Variants in KCTD8 observed in about 807,000 individuals in gnomAD.
KCTD8 encodes BTB/POZ domain-containing protein KCTD8.
Under a neutral mutation model 31.5 loss-of-function variants are expected in KCTD8, and 27 were observed. The observed-to-expected ratio is 0.86, with a 90% CI of 0.63 to 1.18. The LOEUF (loss-of-function observed/expected upper bound fraction) is 1.18, where lower values mean the gene tolerates loss of function less well. Among genes scored for constraint, KCTD8 ranks in the 50% most tolerant of loss-of-function variants. The probability of loss-of-function intolerance (pLI) is 0.00; values close to 1 mark genes in which losing one functional copy is unlikely to be tolerated. For synonymous variants in KCTD8, 290 were observed against 280.0 expected, an observed-to-expected ratio of 1.04 and a Z score of -0.36; for missense variants, 658 against 647.7, an observed-to-expected ratio of 1.02 and a Z score of -0.17.
At chr4:44,181,499 CG>C (rs1435323469) in intron 1 of KCTD8, among the ~76,000 whole-genome samples, 47 of 152,170 alleles carry the variant, frequency 3.1e-4, no homozygotes, top group Admixed American at 2.8e-3. Flanking sequence ...CTGCCAGCCT[CG>C]GCCCCCCGAG....
At chr4:44,270,112 T>A (rs1398356702) in intron 1 of KCTD8, among the ~76,000 whole-genome samples, 1 of 151,934 alleles carries the variant, frequency 6.6e-6, no homozygotes, top group Non-Finnish European at 1.5e-5. Context: ...TGTGGCACTA[T>A]TCACAATAGC....
At chr4:44,323,165 GA>G (rs1206110589) in intron 1 of KCTD8, among the ~76,000 whole-genome samples, 1 of 151,948 alleles carries the variant, frequency 6.6e-6, no homozygotes, top group African/African-American at 2.4e-5. Flanking sequence ...TGAATGTGAA[GA>G]TCACTTTGGG....
intron 1 of KCTD8, among the ~76,000 whole-genome samples, chr4:44,438,982 G>T (rs1205950816): frequency 6.6e-6 from 1 of 152,138 alleles, no homozygotes; most frequent in Non-Finnish European, 1.5e-5. Flanking sequence ...ATTTTCCCAA[G>T]ATCTTAAAGC....
At chr4:44,320,269 C>T (rs556115174) in intron 1 of KCTD8, among the ~76,000 whole-genome samples, 1 of 151,442 alleles carries the variant, frequency 6.6e-6, no homozygotes, top group East Asian at 2.0e-4. Context: ...ACTCCCATCC[C>T]TTCCTACACT....
At position 44,174,721 on chromosome 4, in the gene KCTD8, C is replaced by A; in HGVS notation, c.*69G>T. 2 of 1,146,568 alleles carry A rather than the reference C, an allele frequency of 1.7e-6. No individual in the cohort carries two copies. Among genetic ancestry groups the A allele is most frequent in the South Asian group, 2.9e-5 (2 of 68,052 alleles). 71.0% of individuals were successfully genotyped at this position (1,146,568 alleles called of 1,614,324 possible). ...AGAATCACACTGACCATTGTTAGGA[C>A]ATCAGTCAGGTGGTGACACTGTAGT... On this transcript the variant is annotated 3_prime_UTR_variant, in exon 2 of 2. Transcript: ENST00000360029.
intron 1 of KCTD8, among the ~76,000 whole-genome samples, chr4:44,384,608 G>A (rs190177136): frequency 2.6e-5 from 4 of 151,830 alleles, no homozygotes; most frequent in East Asian, 1.9e-4. Flanking sequence ...GTTGAATAGC[G>A]GTTCCTAGAA....
intron 1 of KCTD8, among the ~76,000 whole-genome samples, chr4:44,407,574 C>T (rs1405559896): frequency 2.0e-5 from 3 of 151,796 alleles, no homozygotes; most frequent in Admixed American, 6.6e-5. Context: ...TTAGTAGAGA[C>T]GAGGTTTCTC....
At chr4:44,345,022 G>A (rs1314796195) in intron 1 of KCTD8, among the ~76,000 whole-genome samples, 1 of 151,954 alleles carries the variant, frequency 6.6e-6, no homozygotes, top group Non-Finnish European at 1.5e-5. Context: ...TCACTTCACT[G>A]CCTTTCCTAT....
At chr4:44,352,373 T>C (rs575515215) in intron 1 of KCTD8, among the ~76,000 whole-genome samples, 4 of 150,798 alleles carry the variant, frequency 2.7e-5, no homozygotes, top group Non-Finnish European at 5.9e-5. Flanking sequence ...GGAAATTTAG[T>C]AAAAGGAAAG....
chr4:44,179,298 T>G (rs1160008720), intron 1 of KCTD8, among the ~76,000 whole-genome samples: 1 of 151,928 alleles, frequency 6.6e-6, no homozygotes, highest in African/African-American at 2.4e-5. Context: ...TATTAAAGAA[T>G]AGTATTTTAT....
At chr4:44,225,837 T>C (rs575886776) in intron 1 of KCTD8, among the ~76,000 whole-genome samples, 3,782 of 125,704 alleles carry the variant, frequency 0.03, 190 homozygotes, top group African/African-American at 0.11. Context: ...TTTTTTTTTT[T>C]CGAGATGGAG....
chr4:44,188,832 A>G (rs1489075294), intron 1 of KCTD8, among the ~76,000 whole-genome samples: 2 of 152,178 alleles, frequency 1.3e-5, no homozygotes, highest in Non-Finnish European at 2.9e-5. Context: ...ATTTTTCCCT[A>G]GAACTTCTCG....
intron 1 of KCTD8, among the ~76,000 whole-genome samples, chr4:44,216,217 G>A (rs1455519624): frequency 6.6e-6 from 1 of 152,026 alleles, no homozygotes; most frequent in African/African-American, 2.4e-5. Context: ...ATTCCCATTC[G>A]CTGAAGTGCC....
chr4:44,427,643 TAAGA>T (rs1194975314), intron 1 of KCTD8, among the ~76,000 whole-genome samples: 8 of 151,618 alleles, frequency 5.3e-5, no homozygotes, highest in Non-Finnish European at 7.4e-5. Context: ...TGCAAAGACT[TAAGA>T]AAGAATGCAC....
chr4:44,240,282 C>T (rs575952113), intron 1 of KCTD8, among the ~76,000 whole-genome samples: 15 of 152,308 alleles, frequency 9.8e-5, no homozygotes, highest in Non-Finnish European at 1.8e-4. Flanking sequence ...ACAGACTTCA[C>T]GGCTTACATT....
At chr4:44,347,799 G>T (rs1330477493) in intron 1 of KCTD8, among the ~76,000 whole-genome samples, 1 of 152,052 alleles carries the variant, frequency 6.6e-6, no homozygotes, top group African/African-American at 2.4e-5. Context: ...AGTATTATAT[G>T]CATAAAACGG....
Position 44,190,733 on chromosome 4 carries a change from C to A in KCTD8, c.962-15483G>T, listed in dbSNP as rs1713740628. Among the ~76,000 whole-genome samples, 3 of 152,232 alleles carry A rather than the reference C, an allele frequency of 2.0e-5. No individual in the cohort carries two copies. The South Asian group carries it at 6.2e-4, about 32-fold the overall frequency. On this transcript the variant is annotated intron_variant, in intron 1 of 1. Coordinates refer to ENST00000360029, the MANE Select transcript of KCTD8 (RefSeq NM_198353.3). ...CAGATATGACTGTAGGGGACTAAGTCCCCCAATCCCAACTACAGTAGGGGA... is the reference window on the plus strand; with the variant it reads ...CAGATATGACTGTAGGGGACTAAGTACCCCAATCCCAACTACAGTAGGGGA...
At chr4:44,413,470 C>A (rs1217238632) in intron 1 of KCTD8, among the ~76,000 whole-genome samples, 1 of 152,112 alleles carries the variant, frequency 6.6e-6, no homozygotes, top group Non-Finnish European at 1.5e-5. Flanking sequence ...AAAAGAATTA[C>A]TTGAACTTCA....
chr4:44,437,689 T>A (rs958519851), intron 1 of KCTD8, among the ~76,000 whole-genome samples: 3 of 152,156 alleles, frequency 2.0e-5, no homozygotes, highest in Non-Finnish European at 4.4e-5. Context: ...TATTTTTATT[T>A]AGCACAGATT....
Sources: gnomAD v4.1 joint callset for allele counts (sites outside exome capture counted in the v4.1 genomes callset) on GRCh38, gnomAD v4.1.1 for gene constraint, MANE v1.5 for transcripts, NCBI Gene and HGNC (gene_info 2026-07-23, HGNC 2026-07-21) for gene names.